SMYD3: variants seen among roughly 807,000 people sequenced by gnomAD.
The protein encoded by SMYD3 is histone-lysine N-methyltransferase SMYD3.
SMYD3 carries 36 observed loss-of-function variants against 57.7 expected under a neutral mutation model. That is an observed-to-expected ratio of 0.62 (90% confidence interval 0.48 to 0.82). The LOEUF is 0.82. Ranked by LOEUF, SMYD3 falls within the 40% of genes least tolerant of loss-of-function variation. The pLI, the probability that SMYD3 is intolerant of heterozygous loss-of-function variation, is 0.00. For synonymous variants in SMYD3, 211 were observed against 195.0 expected (o/e 1.08, Z -0.68); for missense variants, 515 against 538.8 (o/e 0.96, Z 0.44).
intron 5 of SMYD3, among the ~76,000 whole-genome samples, chr1:246,150,672 C>G (rs935828720): frequency 6.6e-6 from 1 of 152,178 alleles, no homozygotes; most frequent in Non-Finnish European, 1.5e-5. Context: ...TGAAGCGAGT[C>G]TATTTGTCTA....
At chr1:246,069,198 T>A (rs2153029) in intron 5 of SMYD3, among the ~76,000 whole-genome samples, 52,780 of 152,022 alleles carry the variant, frequency 0.35, 11,703 homozygotes, top group African/African-American at 0.6. Context: ...AGCTGCCTTA[T>A]CATGTTCTAC....
chr1:246,273,450 C>T (rs2064267038), intron 5 of SMYD3, among the ~76,000 whole-genome samples: 1 of 151,442 alleles, frequency 6.6e-6, no homozygotes, highest in South Asian at 2.1e-4. Context: ...ACGCCCGGCC[C>T]AGTAATGTCC....
chr1:246,110,767 C>A (rs35015067), intron 5 of SMYD3, among the ~76,000 whole-genome samples: 4 of 152,066 alleles, frequency 2.6e-5, no homozygotes, highest in Admixed American at 6.5e-5. Context: ...GAGTTGCGCG[C>A]CTGCGCTACA....
intron 5 of SMYD3, among the ~76,000 whole-genome samples, chr1:246,220,715 C>T (rs116079778): frequency 0.024 from 3,585 of 152,276 alleles, 162 homozygotes; most frequent in African/African-American, 0.081. Flanking sequence ...AGGCTGGGGG[C>T]TGGGCTGCCA....
At chr1:246,138,919 C>A (rs1382757507) in intron 5 of SMYD3, among the ~76,000 whole-genome samples, 2 of 152,114 alleles carry the variant, frequency 1.3e-5, no homozygotes, top group African/African-American at 2.4e-5. Context: ...ACAGTTAAGA[C>A]AACAGGGACC....
chr1:246,507,020 G>A, intron 1 of SMYD3, 34 bp downstream of exon 1: 1 of 1,403,400 alleles, frequency 7.1e-7, no homozygotes. Context: ...CACACAGCTC[G>A]CGACTCAGGT....
At chr1:246,425,926 A>G (rs1369793285) in intron 1 of SMYD3, 1 of 152,128 alleles carries the variant, frequency 6.6e-6, no homozygotes, top group African/African-American at 2.4e-5. Flanking sequence ...GTACATTTTT[A>G]AAGTTTAATT....
intron 5 of SMYD3, among the ~76,000 whole-genome samples, chr1:245,946,906 A>G (rs1197390355): frequency 2.6e-5 from 4 of 152,228 alleles, no homozygotes; most frequent in African/African-American, 4.8e-5. Flanking sequence ...TCCTCAGCCA[A>G]AGATTATTTT....
chr1:246,121,260 G>A (rs1164319461), intron 5 of SMYD3, among the ~76,000 whole-genome samples: 1 of 151,998 alleles, frequency 6.6e-6, no homozygotes, highest in Non-Finnish European at 1.5e-5. Flanking sequence ...CAGTAAATGT[G>A]TAGCAACAAA....
intron 5 of SMYD3, among the ~76,000 whole-genome samples, chr1:246,143,126 T>TAC (rs370332515): frequency 0.29 from 42,314 of 145,834 alleles, 7,366 homozygotes; most frequent in Non-Finnish European, 0.41. Context: ...GTATATTTAA[T>TAC]ACACACACAC....
chr1:246,305,147 C>T (rs190955574), intron 5 of SMYD3, among the ~76,000 whole-genome samples: 3 of 152,210 alleles, frequency 2.0e-5, no homozygotes, highest in Non-Finnish European at 2.9e-5. Flanking sequence ...TCCTAAATCT[C>T]TCACAGTAAT....
chr1:246,035,971 T>C (rs1356458610), intron 5 of SMYD3, among the ~76,000 whole-genome samples: 2 of 152,180 alleles, frequency 1.3e-5, no homozygotes, highest in Admixed American at 1.3e-4. Context: ...CCTACAAAAC[T>C]TTCAATAAAT....
chr1:246,108,168 C>T (rs1235121637), intron 5 of SMYD3, among the ~76,000 whole-genome samples: 1 of 152,190 alleles, frequency 6.6e-6, no homozygotes, highest in African/African-American at 2.4e-5. Context: ...ATGGCTGATG[C>T]ATCCACGTCT....
At chr1:246,340,922 A>C (rs959661075) in intron 2 of SMYD3, among the ~76,000 whole-genome samples, 2 of 152,110 alleles carry the variant, frequency 1.3e-5, no homozygotes, top group South Asian at 4.1e-4. Flanking sequence ...TGGGAGGTCG[A>C]GACTACAGTG....
At chr1:245,958,057 T>C (rs1360676354) in intron 5 of SMYD3, among the ~76,000 whole-genome samples, 1 of 152,172 alleles carries the variant, frequency 6.6e-6, no homozygotes, top group Non-Finnish European at 1.5e-5. Context: ...GGGTTTTCTA[T>C]CTGCAATGAG....
intron 5 of SMYD3, among the ~76,000 whole-genome samples, chr1:246,166,714 T>C (rs1203381993): frequency 6.6e-6 from 1 of 152,226 alleles, no homozygotes; most frequent in Non-Finnish European, 1.5e-5. Context: ...AAATATGTGC[T>C]CCATAAAAGC....
chr1:246,224,398 C>T (rs1311955117), intron 5 of SMYD3, among the ~76,000 whole-genome samples: 1 of 151,846 alleles, frequency 6.6e-6, no homozygotes, highest in Non-Finnish European at 1.5e-5. Context: ...AGAAAGAAAG[C>T]CAGTGTGGCT....
chr1:245,866,219 T>C (rs1479997806), intron 8 of SMYD3, among the ~76,000 whole-genome samples: 1 of 152,140 alleles, frequency 6.6e-6, no homozygotes, highest in Non-Finnish European at 1.5e-5. Context: ...GAGACTCTCC[T>C]TCTGAGGCTG....
chr1:245,933,098 C>T (rs959371575), intron 5 of SMYD3, among the ~76,000 whole-genome samples: 1 of 151,952 alleles, frequency 6.6e-6, no homozygotes, highest in Non-Finnish European at 1.5e-5. Context: ...TCCATGTGTG[C>T]TCAATAATTT....
Sources: allele counts gnomAD v4.1 joint callset (sites outside exome capture counted in the v4.1 genomes callset), GRCh38; gene constraint gnomAD v4.1.1; transcripts MANE v1.5; gene names NCBI Gene and HGNC (gene_info 2026-07-23, HGNC 2026-07-21).